Variants in GABRR3 observed in about 807,000 individuals in gnomAD.
GABRR3 encodes gamma-aminobutyric acid receptor subunit rho-3.
In GABRR3, 29 loss-of-function variants were observed where a neutral mutation model predicts 43.2. That is an observed-to-expected ratio of 0.67 (90% CI 0.50 to 0.92). The LOEUF is 0.92. Ranked by LOEUF, GABRR3 falls within the 40% of genes least tolerant of loss-of-function variation. GABRR3 has a pLI of 0.00. For synonymous variants in GABRR3, 206 were observed against 195.9 expected (o/e 1.05, Z -0.43); for missense variants, 576 against 572.3 (o/e 1.01, Z -0.07).
At chr3:97,996,843 C>G (rs1051944742) in intron 8 of GABRR3, among the ~76,000 whole-genome samples, 3 of 152,180 alleles carry the variant, frequency 2.0e-5, no homozygotes, top group African/African-American at 7.2e-5. Context: ...TATGCACCCT[C>G]TACTGCTCTT....
At chr3:97,985,901 C>G (rs1706380059), downstream of GABRR3, among the ~76,000 whole-genome samples, 1 of 151,874 alleles carries the variant, frequency 6.6e-6, no homozygotes, top group South Asian at 2.1e-4. Context: ...ATGTCTCGCT[C>G]TGTCGCCCAG....
chr3:97,993,184 T>G, intron 8 of GABRR3, 136 bp from the exon 9 acceptor site: 1 of 586,096 alleles, frequency 1.7e-6, no homozygotes, highest in Non-Finnish European at 2.8e-6. Context: ...TGTGTGCATG[T>G]TGACCAGCTA....
At chr3:97,993,102 T>A in intron 8 of GABRR3, 54 bp from the exon 9 acceptor site, 1 of 1,410,566 alleles carries the variant, frequency 7.1e-7, no homozygotes. Context: ...ATTTCCAGGA[T>A]CTGGTGCTGA....
chr3:97,992,053 G>A (rs73853103), intron 9 of GABRR3, among the ~76,000 whole-genome samples: 5,938 of 152,200 alleles, frequency 0.039, 360 homozygotes, highest in African/African-American at 0.13. Flanking sequence ...TCTTATATAA[G>A]TTCTTGTAAA....
chr3:98,004,360 T>A (rs1706696226), intron 7 of GABRR3, among the ~76,000 whole-genome samples: 1 of 152,052 alleles, frequency 6.6e-6, no homozygotes, highest in Non-Finnish European at 1.5e-5. Context: ...CATTTAAAGA[T>A]GAGAAAGTTA....
intron 5 of GABRR3, among the ~76,000 whole-genome samples, chr3:98,010,898 G>A (rs1706781534): frequency 6.6e-6 from 1 of 152,122 alleles, no homozygotes; most frequent in Admixed American, 6.5e-5. Context: ...TCAGGAGTTC[G>A]AGACCAGCCT....
At chr3:98,034,830 G>C in intron 2 of GABRR3, 33 bp downstream of exon 2, 2 of 1,609,134 alleles carry the variant, frequency 1.2e-6, no homozygotes, top group Non-Finnish European at 1.7e-6. Context: ...AAACTGGGCA[G>C]TAATTCCATG....
At chr3:98,031,428 AC>A (rs540104381) in intron 2 of GABRR3, among the ~76,000 whole-genome samples, 99 of 152,336 alleles carry the variant, frequency 6.5e-4, no homozygotes, top group Non-Finnish European at 1.2e-3. Context: ...AAATCTGGCC[AC>A]ACGAGGCTCA....
chr3:98,030,132 A>G (rs1196366446), intron 2 of GABRR3, among the ~76,000 whole-genome samples: 1 of 150,898 alleles, frequency 6.6e-6, no homozygotes, highest in Non-Finnish European at 1.5e-5. Context: ...AAAAAAAAGG[A>G]TATGATTAAA....
chr3:98,017,401 G>T (rs1706884960), intron 4 of GABRR3, among the ~76,000 whole-genome samples: 1 of 152,130 alleles, frequency 6.6e-6, no homozygotes, highest in Non-Finnish European at 1.5e-5. Context: ...AATATATCAT[G>T]ATGTTCTACA....
intron 6 of GABRR3, among the ~76,000 whole-genome samples, chr3:98,008,529 A>C (rs144647182): frequency 1.3e-5 from 2 of 152,252 alleles, no homozygotes; most frequent in East Asian, 3.9e-4. Flanking sequence ...GGCTTTGATT[A>C]GGGGGTCTAT....
chr3:97,993,047 T>A (rs896575311), exon 9 of GABRR3: 11 of 1,585,104 alleles, frequency 6.9e-6, no homozygotes, highest in Non-Finnish European at 9.4e-6. Context: ...CTGTGGTGAT[T>A]CCTGCCATTT....
chr3:97,997,554 T>C (rs1014311361), intron 8 of GABRR3: 8 of 152,198 alleles, frequency 5.3e-5, no homozygotes, highest in African/African-American at 1.9e-4. Flanking sequence ...TCTGTAAGCA[T>C]AAACACTCAG....
At chr3:97,992,968 C>T in exon 9 of GABRR3, 1 of 1,613,700 alleles carries the variant, frequency 6.2e-7, no homozygotes, top group South Asian at 1.1e-5. Context: ...TACACATCCA[C>T]AGCCTTGAGG....
intron 8 of GABRR3, chr3:97,998,556 C>T (rs1706591348): frequency 6.6e-6 from 1 of 152,110 alleles, no homozygotes; most frequent in South Asian, 2.1e-4. Flanking sequence ...GGGATTATCA[C>T]TTGCTGAGTT....
intron 4 of GABRR3, among the ~76,000 whole-genome samples, chr3:98,016,459 G>T (rs1706874381): frequency 1.3e-5 from 2 of 152,054 alleles, no homozygotes; most frequent in African/African-American, 4.8e-5. Flanking sequence ...GCCCTCACCA[G>T]GAGCAGATGG....
At chr3:97,993,966 A>G (rs1706504739) in intron 8 of GABRR3, among the ~76,000 whole-genome samples, 1 of 152,206 alleles carries the variant, frequency 6.6e-6, no homozygotes, top group Admixed American at 6.5e-5. Context: ...TTCAATGTCT[A>G]CACTAATTTC....
chr3:98,020,530 G>A (rs1413818491), intron 3 of GABRR3, among the ~76,000 whole-genome samples: 1 of 149,092 alleles, frequency 6.7e-6, no homozygotes, highest in Non-Finnish European at 1.5e-5. Context: ...TTAAATCAGA[G>A]AGCAACTTGC....
chr3:98,007,366 G>A (rs1471060653), intron 7 of GABRR3, among the ~76,000 whole-genome samples: 1 of 152,120 alleles, frequency 6.6e-6, no homozygotes, highest in African/African-American at 2.4e-5. Context: ...GAGAGTAGCA[G>A]GTGGTGAGGG....
Sources: allele counts gnomAD v4.1 joint callset (sites outside exome capture counted in the v4.1 genomes callset), GRCh38; gene constraint gnomAD v4.1.1; transcripts MANE v1.5; gene names NCBI Gene and HGNC (gene_info 2026-07-23, HGNC 2026-07-21).